Variants in VPS33A observed in about 807,000 individuals in gnomAD.
VPS33A encodes vacuolar protein sorting-associated protein 33A.
Under a neutral mutation model 71.8 loss-of-function variants are expected in VPS33A, and 32 were observed. The observed-to-expected ratio is 0.45, with a 90% confidence interval of 0.34 to 0.60. VPS33A has a LOEUF of 0.60. Ranked by LOEUF, VPS33A falls within the 20% of genes least tolerant of loss-of-function variation. The pLI, the probability that VPS33A is intolerant of heterozygous loss-of-function variation, is 0.02. For synonymous variants in VPS33A, 311 were observed against 292.7 expected, an observed-to-expected ratio of 1.06 and a Z score of -0.64; for missense variants, 625 against 748.5, an observed-to-expected ratio of 0.84 and a Z score of 1.92.
chr12:122,246,953 G>A (rs542610100), intron 6 of VPS33A, among the ~76,000 whole-genome samples: 1 of 152,194 alleles, frequency 6.6e-6, no homozygotes, highest in Non-Finnish European at 1.5e-5. Context: ...CTAGGAAAAT[G>A]CTCATTAGCA....
intron 11 of VPS33A, among the ~76,000 whole-genome samples, chr12:122,233,819 A>AC (rs1230626609): frequency 6.6e-6 from 1 of 152,226 alleles, no homozygotes; most frequent in Admixed American, 6.6e-5. Flanking sequence ...AGATCACAGA[A>AC]GACCCTTCAA....
At chr12:122,246,482 T>C (rs575366396) in intron 6 of VPS33A, among the ~76,000 whole-genome samples, 6 of 151,578 alleles carry the variant, frequency 4.0e-5, no homozygotes, top group Non-Finnish European at 8.8e-5. Context: ...GTACTTTTAG[T>C]AGAGACGGGT....
chr12:122,250,832 A>G lies in VPS33A; in HGVS notation c.600+151T>C. ...CATGAGTACTGACTTGGAGGGTTAT[A>G]AGTGCATTTTAATCAGTAGGCAAAT... On this transcript the variant is annotated intron_variant, in intron 5 of 12. Transcript: ENST00000267199. 4.6e-6 allele frequency: 3 copies of G among 648,700 alleles called. No individual in the cohort carries two copies. In the South Asian group the frequency reaches 5.7e-5, roughly 12 times the overall value. 40.2% of individuals were successfully genotyped at this position (648,700 alleles called of 1,614,324 possible).
At chr12:122,257,525 T>C (rs1180965430) in intron 4 of VPS33A, among the ~76,000 whole-genome samples, 3 of 150,766 alleles carry the variant, frequency 2.0e-5, no homozygotes, top group African/African-American at 7.4e-5. Context: ...ACAAAAAAAT[T>C]AGCTGGGCGT....
chr12:122,240,013 A>G (rs1954691846), intron 8 of VPS33A, 68 bp from the exon 9 acceptor site: 1 of 1,214,632 alleles, frequency 8.2e-7, no homozygotes, highest in Non-Finnish European at 1.2e-6. Flanking sequence ...GCATGCTTTT[A>G]TACACAGAGC....
chr12:122,244,903 C>T (rs1954758345), intron 6 of VPS33A, 141 bp from the exon 7 acceptor site: 1 of 787,970 alleles, frequency 1.3e-6, no homozygotes, highest in East Asian at 2.7e-5. Flanking sequence ...TTTTGATTTT[C>T]CATGATCAAA....
intron 8 of VPS33A, among the ~76,000 whole-genome samples, chr12:122,241,556 C>T (rs1024080374): frequency 4.7e-5 from 7 of 150,398 alleles, no homozygotes; most frequent in Admixed American, 6.7e-5. Flanking sequence ...CCACCTGCCT[C>T]GGCCTCCCAA....
At chr12:122,233,669 G>A (rs1303056777) in intron 11 of VPS33A, among the ~76,000 whole-genome samples, 3 of 152,238 alleles carry the variant, frequency 2.0e-5, no homozygotes, top group African/African-American at 4.8e-5. Flanking sequence ...AAGTATAAAC[G>A]TATTAACTGC....
At chr12:122,240,145 T>C (rs1317377764) in intron 8 of VPS33A, among the ~76,000 whole-genome samples, 200 bp from the exon 9 acceptor site, 1 of 151,938 alleles carries the variant, frequency 6.6e-6, no homozygotes, top group East Asian at 1.9e-4. Context: ...CTGACCAACA[T>C]GGCCAAACCC....
chr12:122,233,531 G>C (rs1233099874), intron 11 of VPS33A, among the ~76,000 whole-genome samples: 1 of 152,138 alleles, frequency 6.6e-6, no homozygotes, highest in Non-Finnish European at 1.5e-5. Flanking sequence ...CAGCCAGCAT[G>C]AAACATATTG....
chr12:122,235,433 T>C (rs1448315089), intron 11 of VPS33A, among the ~76,000 whole-genome samples: 1 of 151,852 alleles, frequency 6.6e-6, no homozygotes, highest in Non-Finnish European at 1.5e-5. Flanking sequence ...CTGGGCTAAT[T>C]TTTGTATTTT....
intron 4 of VPS33A, among the ~76,000 whole-genome samples, chr12:122,258,718 C>T (rs1592929880): frequency 6.6e-6 from 1 of 152,006 alleles, no homozygotes; most frequent in African/African-American, 2.4e-5. Flanking sequence ...TGGTGGCTCA[C>T]GCCTGTAATC....
At chr12:122,259,281 G>A (rs970992849) in intron 4 of VPS33A, among the ~76,000 whole-genome samples, 3 of 151,848 alleles carry the variant, frequency 2.0e-5, no homozygotes, top group Middle Eastern at 3.2e-3. Flanking sequence ...GTGCAATGGC[G>A]TGATCTCAGC....
intron 4 of VPS33A, among the ~76,000 whole-genome samples, chr12:122,255,217 T>G (rs1289122980): frequency 6.6e-6 from 1 of 152,130 alleles, no homozygotes; most frequent in Non-Finnish European, 1.5e-5. Flanking sequence ...TAAAAATGAG[T>G]ATACCATCAC....
At chr12:122,251,848 C>A (rs1425499310) in intron 4 of VPS33A, among the ~76,000 whole-genome samples, 1 of 150,688 alleles carries the variant, frequency 6.6e-6, no homozygotes. Flanking sequence ...GGGTGCAGCA[C>A]ACCAACATGG....
chr12:122,253,094 A>C lies in VPS33A; in HGVS notation c.484-1995T>G, dbSNP rs1228640610. 4 of 152,154 alleles carry C rather than the reference A, an allele frequency of 2.6e-5. No homozygotes were observed. In the East Asian group the frequency reaches 7.7e-4, roughly 29 times the overall value. 9.4% of individuals were successfully genotyped at this position (152,154 alleles called of 1,614,324 possible). A position where few individuals can be genotyped will look rare whatever the true frequency, so the allele number is the denominator to read the frequency against. ...GCCCCAGGGAGGAAGGATGGCAGACATGGTGGGGAGCGTTTGGTTATTATT... is the reference window on the plus strand; with the variant it reads ...GCCCCAGGGAGGAAGGATGGCAGACCTGGTGGGGAGCGTTTGGTTATTATT... On this transcript the variant is annotated intron_variant, in intron 4 of 12. Transcript: ENST00000267199.
chr12:122,235,807 C>G lies in VPS33A; in HGVS notation c.1419G>C (p.Trp473Cys). 1 of 1,612,944 alleles carries G rather than the reference C, an allele frequency of 6.2e-7. No individual in the cohort carries two copies. The highest frequency in any genetic ancestry group is 1.1e-5 in the South Asian group (1 of 90,858). ...TTACTTGCTCATTAACATCATCCATCCAGAGGCGTAATGTTTTCCGTATAG... is the reference window on the plus strand; with the variant it reads ...TTACTTGCTCATTAACATCATCCATGCAGAGGCGTAATGTTTTCCGTATAG... ...YPTIRKTLRL[W>C]MDDVNEQNPT... Residue 473 changes from tryptophan to cysteine, a missense_variant, in exon 11 of 13, where the codon TGG (tryptophan) becomes TGC (cysteine). By Grantham distance (215) the Trp-to-Cys change is radical. Coordinates refer to ENST00000267199, the MANE Select transcript of VPS33A (RefSeq NM_022916.6).
chr12:122,251,484 C>T (rs866030429), intron 4 of VPS33A, among the ~76,000 whole-genome samples: 1 of 152,102 alleles, frequency 6.6e-6, no homozygotes, highest in Non-Finnish European at 1.5e-5. Context: ...GCTGGGAGAG[C>T]GACATGCTAA....
chr12:122,240,059 G>T, intron 8 of VPS33A, 114 bp from the exon 9 acceptor site: 1 of 770,884 alleles, frequency 1.3e-6, no homozygotes, highest in Non-Finnish European at 2.2e-6. Flanking sequence ...TGGGCACGGT[G>T]GCTCACACCT....
Sources: allele counts gnomAD v4.1 joint callset (sites outside exome capture counted in the v4.1 genomes callset), GRCh38; gene constraint gnomAD v4.1.1; transcripts MANE v1.5; gene names NCBI Gene and HGNC (gene_info 2026-07-23, HGNC 2026-07-21).